The following KIAA1328 variants were observed in gnomAD, a reference collection of about 807,000 sequenced individuals.
KIAA1328 encodes KIAA1328.
KIAA1328 carries 52 observed loss-of-function variants against 68.1 expected under a neutral mutation model. That is an observed-to-expected ratio of 0.76 (90% CI 0.61 to 0.96). The LOEUF is 0.96. Among genes scored for constraint, KIAA1328 ranks in the 40% least tolerant of loss-of-function variants. The probability of loss-of-function intolerance (pLI) is 0.00; values close to 1 mark genes in which losing one functional copy is unlikely to be tolerated. For synonymous variants in KIAA1328, 232 were observed against 239.4 expected (o/e 0.97, Z 0.28); for missense variants, 641 against 677.6 (o/e 0.95, Z 0.60).
At chr18:37,099,245 A>G (rs957555231) in intron 7 of KIAA1328, among the ~76,000 whole-genome samples, 16 of 152,200 alleles carry the variant, frequency 1.1e-4, no homozygotes, top group African/African-American at 3.9e-4. Context: ...CACTGCTTTG[A>G]ATGTGTCCCA....
intron 5 of KIAA1328, among the ~76,000 whole-genome samples, chr18:36,927,727 C>A (rs2050169379): frequency 6.6e-6 from 1 of 151,860 alleles, no homozygotes; most frequent in Non-Finnish European, 1.5e-5. Context: ...CACTGCATTC[C>A]ACCCGGGGTG....
chr18:36,856,768 C>T (rs2047396980), intron 4 of KIAA1328, among the ~76,000 whole-genome samples: 1 of 152,188 alleles, frequency 6.6e-6, no homozygotes, highest in Admixed American at 6.5e-5. Context: ...CAACTAACAT[C>T]TTGAATGTTA....
intron 5 of KIAA1328, among the ~76,000 whole-genome samples, chr18:36,905,116 T>C (rs2049171298): frequency 7.3e-6 from 1 of 137,514 alleles, no homozygotes; most frequent in Admixed American, 7.7e-5. Context: ...TATTTATTTA[T>C]TTATTTATTT....
At chr18:37,225,339 G>C (rs2060627648), downstream of KIAA1328, 1 of 983,980 alleles carries the variant, frequency 1.0e-6, no homozygotes, top group Non-Finnish European at 1.2e-6. Context: ...TCCCCATGTG[G>C]GTTTGATATT....
intron 5 of KIAA1328, among the ~76,000 whole-genome samples, chr18:36,911,527 A>G (rs2049449480): frequency 6.6e-6 from 1 of 152,124 alleles, no homozygotes; most frequent in African/African-American, 2.4e-5. Flanking sequence ...CCTTGTACAA[A>G]AGCATTCCAT....
At chr18:36,873,820 T>C (rs1354880328) in intron 4 of KIAA1328, among the ~76,000 whole-genome samples, 1 of 152,200 alleles carries the variant, frequency 6.6e-6, no homozygotes, top group Non-Finnish European at 1.5e-5. Flanking sequence ...GTATTTCTCC[T>C]TATGCTATCC....
At chr18:36,854,867 C>T (rs982819259) in intron 4 of KIAA1328, among the ~76,000 whole-genome samples, 2 of 152,108 alleles carry the variant, frequency 1.3e-5, no homozygotes, top group Admixed American at 6.6e-5. Context: ...TTTACCGTTT[C>T]TGTTGATTAC....
intron 4 of KIAA1328, among the ~76,000 whole-genome samples, chr18:36,854,220 C>T (rs1050989152): frequency 2.0e-5 from 3 of 152,138 alleles, no homozygotes; most frequent in African/African-American, 7.2e-5. Flanking sequence ...CTGGGAGAGA[C>T]CTCAGAAGAA....
chr18:37,082,410 G>A (rs1237548235), intron 7 of KIAA1328, among the ~76,000 whole-genome samples: 2 of 152,122 alleles, frequency 1.3e-5, no homozygotes, highest in Admixed American at 6.5e-5. Flanking sequence ...TACCTCAGGT[G>A]ATCTGCCCGC....
chr18:36,876,715 T>C (rs1316290298), intron 4 of KIAA1328, among the ~76,000 whole-genome samples: 10 of 152,232 alleles, frequency 6.6e-5, no homozygotes, highest in Non-Finnish European at 2.9e-5. Context: ...TGTCTTCAGC[T>C]AGCTTTTGAA....
At chr18:37,074,168 C>T (rs1276784590) in intron 7 of KIAA1328, among the ~76,000 whole-genome samples, 9 of 152,166 alleles carry the variant, frequency 5.9e-5, no homozygotes. Context: ...TAGACTGCTC[C>T]TTTCCTGATC....
intron 6 of KIAA1328, among the ~76,000 whole-genome samples, chr18:36,989,490 G>A (rs1257885487): frequency 6.6e-6 from 1 of 152,022 alleles, no homozygotes; most frequent in Non-Finnish European, 1.5e-5. Flanking sequence ...CAGAAGCTCC[G>A]ATTCTAATTT....
At chr18:37,115,229 C>G (rs1486300956) in intron 7 of KIAA1328, among the ~76,000 whole-genome samples, 1 of 152,126 alleles carries the variant, frequency 6.6e-6, no homozygotes, top group African/African-American at 2.4e-5. Context: ...ATTTTTAGAC[C>G]AATATCCCTG....
chr18:36,953,995 C>CTTTTTTTTTTTTTTT (rs71168249), intron 5 of KIAA1328, among the ~76,000 whole-genome samples: 18 of 113,540 alleles, frequency 1.6e-4, no homozygotes, highest in African/African-American at 1.8e-4. Flanking sequence ...CTGATTGTTT[C>CTTTTTTTTTTTTTTT]TTTTTTTTTT....
chr18:37,052,182 C>T (rs1169062839), intron 6 of KIAA1328, among the ~76,000 whole-genome samples: 2 of 152,096 alleles, frequency 1.3e-5, no homozygotes, highest in Non-Finnish European at 2.9e-5. Context: ...TGAGATGCAA[C>T]AATGGTTCAA....
intron 6 of KIAA1328, among the ~76,000 whole-genome samples, chr18:37,043,188 C>T (rs1356195821): frequency 6.6e-6 from 1 of 152,124 alleles, no homozygotes; most frequent in African/African-American, 2.4e-5. Context: ...TCTTTCAACA[C>T]ATTTATTATA....
intron 9 of KIAA1328, among the ~76,000 whole-genome samples, chr18:37,191,599 G>T (rs2059905455): frequency 6.6e-6 from 1 of 152,158 alleles, no homozygotes; most frequent in Non-Finnish European, 1.5e-5. Context: ...GGGAAGTTGG[G>T]TGTCTGCCTT....
chr18:37,150,003 A>C (rs1267503822), intron 7 of KIAA1328, among the ~76,000 whole-genome samples: 1 of 152,178 alleles, frequency 6.6e-6, no homozygotes, highest in East Asian at 1.9e-4. Flanking sequence ...AGCACTTTTG[A>C]CAATTTAAAC....
chr18:37,134,139 G>A lies in KIAA1328; in HGVS notation c.1233-26061G>A, dbSNP rs371020426. Among the ~76,000 whole-genome samples the A allele has an allele frequency of 1.4e-4, 21 of 151,706 alleles. No homozygotes were observed. The East Asian group carries it at 1.8e-3, about 13-fold the overall frequency. On this transcript the variant is annotated intron_variant, in intron 7 of 9. Transcript: ENST00000280020. ...AGCGATTCTCCTGCCTCAGCCTCCC[G>A]AGTAGCTGGGATTACAGGCACGCGC...
Sources: gnomAD v4.1 joint callset for allele counts (sites outside exome capture counted in the v4.1 genomes callset) on GRCh38, gnomAD v4.1.1 for gene constraint, MANE v1.5 for transcripts, NCBI Gene and HGNC (gene_info 2026-07-23, HGNC 2026-07-21) for gene names.